Variants in CANX observed in about 807,000 individuals in gnomAD.
CANX encodes epididymis secretory sperm binding protein.
In CANX, 14 loss-of-function variants were observed where a neutral mutation model predicts 75.7. The observed-to-expected ratio is 0.19, with a 90% CI of 0.12 to 0.29. The LOEUF (loss-of-function observed/expected upper bound fraction) is 0.29, where lower values mean the gene tolerates loss of function less well. Ranked by LOEUF, CANX falls within the 10% of genes least tolerant of loss-of-function variation. CANX has a pLI of 1.00. For missense variants in CANX, 567 were observed against 713.2 expected (o/e 0.79, Z 2.34); for synonymous variants, 227 against 236.9 (o/e 0.96, Z 0.38).
rs1777303598 is a variant in CANX at position 179,708,361 on chromosome 5, A to G, written c.427A>G (p.Thr143Ala). 2.5e-6 allele frequency: 4 copies of G among 1,613,350 alleles called. No homozygotes were observed. The highest frequency in any genetic ancestry group is 3.3e-5 in the Admixed American group (2 of 59,950). ...AKLNKPFLFD[T>A]KPLIVQYEVN... is the part of the protein sequence containing the mutation. The stretch of plus-strand genomic sequence containing the variant: ...ACTGAACAAGCCCTTCCTGTTTGAC[A>G]CCAAGCCTCTCATTGTTCAGTAAGT... The change falls in exon 5 of 15, where the codon ACC becomes GCC. Residue 143 changes from threonine (T) to alanine (A), a missense_variant. Around this residue, in one of 3 missense-constraint regions of CANX, gnomAD observed 351 missense variants for 433.8 expected, o/e 0.81. Transcript: ENST00000247461.
chr5:179,687,340 T>C (rs1450280911), intron 1 of CANX, among the ~76,000 whole-genome samples: 1 of 151,842 alleles, frequency 6.6e-6, no homozygotes, highest in Non-Finnish European at 1.5e-5. Context: ...CCTGGCCTCG[T>C]GATCCACCCG....
intron 8 of CANX, among the ~76,000 whole-genome samples, chr5:179,718,373 C>T (rs888858758): frequency 7.2e-5 from 11 of 152,158 alleles, no homozygotes; most frequent in Admixed American, 2.6e-4. Flanking sequence ...ACTACAAGCG[C>T]GCACTACTAC....
intron 10 of CANX, 126 bp from the exon 11 acceptor site, chr5:179,722,678 A>G: frequency 1.6e-6 from 1 of 632,190 alleles, no homozygotes; most frequent in Middle Eastern, 3.8e-4. Flanking sequence ...CCTGTTGCTT[A>G]TTTCAAGTTT....
At chr5:179,716,350 G>T in intron 8 of CANX, 56 bp downstream of exon 8, 2 of 1,321,798 alleles carry the variant, frequency 1.5e-6, no homozygotes, top group South Asian at 1.3e-5. Flanking sequence ...TATTCCATGT[G>T]GCTTGAACAA....
chr5:179,689,653 G>A (rs938232442), intron 1 of CANX, among the ~76,000 whole-genome samples: 12 of 152,234 alleles, frequency 7.9e-5, no homozygotes, highest in African/African-American at 2.9e-4. Context: ...GCCTCCCAAA[G>A]TGTTGGGATT....
rs116881061 is a variant in CANX at position 179,705,398 on chromosome 5, T to C, written c.-3-281T>C. ...ATGCAAAAGTTTGTTGGAAATTGTA[T>C]TTGAATGCCCCACATCTGTGTAACC... On this transcript the variant is annotated intron_variant, in intron 1 of 14. Transcript: ENST00000247461. Among the ~76,000 whole-genome samples the C allele has an allele frequency of 2.5e-4, 38 of 152,376 alleles. 1 individual carries two copies. In the East Asian group the frequency reaches 7.1e-3, roughly 29 times the overall value.
intron 1 of CANX, among the ~76,000 whole-genome samples, chr5:179,683,566 C>T (rs1483228445): frequency 2.6e-5 from 4 of 151,998 alleles, no homozygotes; most frequent in African/African-American, 9.7e-5. Context: ...AGGAGTCTCA[C>T]TTTGTTGCCC....
intron 4 of CANX, 61 bp from the exon 5 acceptor site, chr5:179,708,178 G>T (rs1777291493): frequency 2.1e-6 from 3 of 1,434,132 alleles, no homozygotes; most frequent in Non-Finnish European, 1.9e-6. Flanking sequence ...GTTTTTTTTG[G>T]CATTTAAAGG....
intron 1 of CANX, among the ~76,000 whole-genome samples, chr5:179,687,682 A>T (rs1776215395): frequency 6.6e-6 from 1 of 152,160 alleles, no homozygotes; most frequent in Non-Finnish European, 1.5e-5. Context: ...GGAATATTTT[A>T]ACCAAGCCAG....
chr5:179,679,105 G>A, intron 1 of CANX: 2 of 1,535,732 alleles, frequency 1.3e-6, no homozygotes, highest in Non-Finnish European at 1.7e-6. Flanking sequence ...ACAGGCGGCT[G>A]GCATGGCTCG....
At chr5:179,693,333 A>G (rs1776334110) in intron 1 of CANX, among the ~76,000 whole-genome samples, 1 of 148,920 alleles carries the variant, frequency 6.7e-6, no homozygotes, top group African/African-American at 2.4e-5. Context: ...TGAGCCCAGG[A>G]GTTTGAGACC....
intron 1 of CANX, among the ~76,000 whole-genome samples, chr5:179,686,102 C>CTTTTTTTTTTTTTTTTTTTTTTT (rs757104413): frequency 7.8e-6 from 1 of 128,622 alleles, no homozygotes; most frequent in Admixed American, 8.5e-5. Context: ...TTGTTCAAGT[C>CTTTTTTTTTTTTTTTTTTTTTTT]TTTTTTTTTT....
At chr5:179,712,816 C>T (rs969372966) in intron 7 of CANX, among the ~76,000 whole-genome samples, 7 of 148,314 alleles carry the variant, frequency 4.7e-5, no homozygotes, top group Admixed American at 6.8e-5. Flanking sequence ...GTCTGCCTCC[C>T]GGGTTCAAGC....
chr5:179,678,773 T>C, exon 1 of CANX: 1 of 1,537,060 alleles, frequency 6.5e-7, no homozygotes, highest in Middle Eastern at 1.7e-4. Flanking sequence ...CTGCTGCAGC[T>C]TCAGGTAGTT....
upstream of CANX, chr5:179,694,386 G>T: frequency 1.6e-6 from 1 of 611,664 alleles, no homozygotes. Flanking sequence ...GGCAAAGACG[G>T]ATAAAGTGCA....
At position 179,719,762 on chromosome 5, in the gene CANX, G is replaced by A. The variant is rs764247531; in HGVS notation, c.1006G>A (p.Ala336Thr). 6.2e-6 allele frequency: 10 copies of A among 1,602,114 alleles called. No homozygotes were observed. The highest frequency in any genetic ancestry group is 6.8e-6 in the Non-Finnish European group (8 of 1,171,182). ...GCCTGAGTACGTACCTGATCCAGAC[G>A]CAGAGAAACCTGAGGATTGGTAAGA... Reference protein sequence around the residue: ...DEPEYVPDPDAEKPEDWDEDM... With the variant: ...DEPEYVPDPDTEKPEDWDEDM... The change falls in exon 9 of 15, where the codon GCA (alanine) becomes ACA (threonine). Residue 336 changes from alanine to threonine, a missense_variant. Coordinates refer to ENST00000247461, the MANE Select transcript of CANX (RefSeq NM_001746.4).
At position 179,705,243 on chromosome 5, in the gene CANX, A is replaced by G. The variant is rs569110603; in HGVS notation, c.-3-436A>G. On this transcript the variant is annotated intron_variant, in intron 1 of 14. Transcript: ENST00000247461. ...AGTGAGCCACCTGCCTCGGCCTCCC[A>G]AAGTGCTGGGATTACAGGCGTGAGC... Among the ~76,000 whole-genome samples, 195 of 152,320 alleles carry G rather than the reference A, an allele frequency of 1.3e-3. 1 individual carries two copies. Among genetic ancestry groups the G allele is most frequent in the Middle Eastern group, 3.4e-3 (1 of 294 alleles).
chr5:179,678,951 C>T (rs1206650029), intron 1 of CANX: 33 of 1,535,356 alleles, frequency 2.1e-5, no homozygotes, highest in Middle Eastern at 1.7e-4. Flanking sequence ...CACGGCGCGC[C>T]GTAGGCGAGG....
chr5:179,719,141 G>A (rs1025100087), intron 8 of CANX, among the ~76,000 whole-genome samples: 1 of 152,176 alleles, frequency 6.6e-6, no homozygotes, highest in Non-Finnish European at 1.5e-5. Flanking sequence ...ACCTAAAAGT[G>A]GAATTGCTGG....
Sources: allele counts gnomAD v4.1 joint callset (sites outside exome capture counted in the v4.1 genomes callset), GRCh38; gene constraint gnomAD v4.1.1; regional missense constraint gnomAD v4.1.1; transcripts MANE v1.5; gene names NCBI Gene and HGNC (gene_info 2026-07-23, HGNC 2026-07-21).